The following DNM1 variants were observed in gnomAD, a reference collection of about 807,000 sequenced individuals.
The protein encoded by DNM1 is dynamin-1.
DNM1 carries 29 observed loss-of-function variants against 104.6 expected under a neutral mutation model. The observed-to-expected ratio is 0.28, with a 90% CI of 0.21 to 0.38. The LOEUF (loss-of-function observed/expected upper bound fraction) is 0.38. Ranked by LOEUF, DNM1 falls within the 10% of genes least tolerant of loss-of-function variation. The pLI, the probability that DNM1 is intolerant of heterozygous loss-of-function variation, is 1.00. For missense variants in DNM1, 640 were observed against 1,189.4 expected (o/e 0.54, Z 6.79); for synonymous variants, 445 against 475.8 (o/e 0.94, Z 0.84).
In DNM1 at chr9:128,203,680, T is replaced by G. The variant is rs774571600; in HGVS notation, c.161+49T>G. 5 of 1,430,384 alleles carry G rather than the reference T, an allele frequency of 3.5e-6. No individual in the cohort carries two copies. The Admixed American group carries it at 1.1e-4, about 33-fold the overall frequency. 88.6% of individuals were successfully genotyped at this position (1,430,384 alleles called of 1,614,324 possible). A position where few individuals can be genotyped will look rare whatever the true frequency, so the allele number is the denominator to read the frequency against. ...GCCGACCCCCGACCCCCGGGATCCC[T>G]GGAGTCCCCGCCCGGGGCACTGACG... On this transcript the variant is annotated intron_variant, in intron 1 of 21. Transcript: ENST00000372923. The surrounding 1 kb of genome is among the most constrained non-coding windows in gnomAD (Gnocchi z 5.3).
intron 19 of DNM1, among the ~76,000 whole-genome samples, chr9:128,249,808 G>C (rs1829402640): frequency 6.6e-6 from 1 of 151,740 alleles, no homozygotes; most frequent in Non-Finnish European, 1.5e-5. Flanking sequence ...CCTGGTGAAA[G>C]AGCGAGACCC....
chr9:128,223,537 G>A (rs1835145869), intron 9 of DNM1: 1 of 152,264 alleles, frequency 6.6e-6, no homozygotes, highest in Admixed American at 6.6e-5. Flanking sequence ...ATTTGGCATG[G>A]AATTTACTTC....
rs1836270435 is a variant in DNM1, at chr9:128,240,060, G to A, written c.1557+64G>A. 6.3e-7 allele frequency: 1 copy of A among 1,594,082 alleles called. No homozygotes were observed. The highest frequency in any genetic ancestry group is 1.3e-5 in the African/African-American group (1 of 74,454). On this transcript the variant is annotated intron_variant, in intron 14 of 21. Coordinates refer to ENST00000372923, the MANE Select transcript of DNM1 (RefSeq NM_004408.4). This position sits in a 1 kb window ranked among gnomAD's most constrained non-coding sequence, Gnocchi z 5.1. ...GGGGGCGGAGGGTCCATCGGCAGTG[G>A]GGATCTGCAACGGGTAGGAGGGCAC...
intron 4 of DNM1, among the ~76,000 whole-genome samples, chr9:128,219,623 C>T (rs972522410): frequency 2.6e-5 from 4 of 151,920 alleles, no homozygotes; most frequent in Non-Finnish European, 4.4e-5. Context: ...GAGCCCTACT[C>T]GCACCACTGC....
Position 128,253,017 on chromosome 9 carries a change from CGT to C in DNM1, c.2535-1633_2535-1632del. 1 of 1,358,960 alleles carries C rather than the reference CGT, an allele frequency of 7.4e-7. No homozygotes were observed. Among genetic ancestry groups the C allele is most frequent in the Non-Finnish European group, 1.0e-6 (1 of 954,124 alleles). The allele number at this position is 1,358,960 out of a possible 1,614,324, so 84.2% of individuals were successfully genotyped here. ...CACAGCATGTGTGTGCACGCCCGGG[CGT>C]GTGCGTGTGTGTGTCCCCCACCCCC... On this transcript the variant is annotated intron_variant, in intron 21 of 21. Transcript: ENST00000372923. The surrounding 1 kb of genome is among the most constrained non-coding windows in gnomAD (Gnocchi z 5.9).
chr9:128,230,653 T>C (rs138306023), intron 10 of DNM1, among the ~76,000 whole-genome samples: 16,575 of 151,936 alleles, frequency 0.11, 1,161 homozygotes, highest in African/African-American at 0.19. Context: ...GGTTTTACCA[T>C]GTTGGCCACG....
chr9:128,248,974 C>T lies in DNM1; in HGVS notation c.2076+221C>T, dbSNP rs1015489826. ...TTGGGAGGCCAAGGCAGGTGGATCA[C>T]GTGAGGTCAGGAGTTTAAGACCAGC... On this transcript the variant is annotated intron_variant, in intron 19 of 21. Transcript: ENST00000372923. This position sits in a 1 kb window ranked among gnomAD's most constrained non-coding sequence, Gnocchi z 5.6. Among the ~76,000 whole-genome samples the T allele has an allele frequency of 6.6e-6, 1 of 151,756 alleles. No homozygotes were observed. Among genetic ancestry groups the T allele is most frequent in the African/African-American group, 2.4e-5 (1 of 41,284 alleles).
rs868487036 is a variant in DNM1 at position 128,240,434 on chromosome 9, C to T, written c.1557+438C>T. 2.8e-5 allele frequency: 5 copies of T among 179,802 alleles called. No homozygotes were observed. Among genetic ancestry groups the T allele is most frequent in the Non-Finnish European group, 4.6e-5 (4 of 86,178 alleles). The allele number at this position is 179,802 out of a possible 1,614,324, so 11.1% of individuals were successfully genotyped here. The stretch of plus-strand genomic sequence containing the variant: ...CCTGCTCTCTGTCCTTAGATGTCTG[C>T]GGAAACATCCCTCGTCAGAAGCGCT... On this transcript the variant is annotated intron_variant, in intron 14 of 21. Coordinates refer to ENST00000372923, the MANE Select transcript of DNM1 (RefSeq NM_004408.4). The surrounding 1 kb of genome is among the most constrained non-coding windows in gnomAD (Gnocchi z 5.1).
At chr9:128,228,665 T>G (rs946336268) in intron 10 of DNM1, among the ~76,000 whole-genome samples, 2 of 152,176 alleles carry the variant, frequency 1.3e-5, no homozygotes, top group Non-Finnish European at 2.9e-5. Flanking sequence ...ATATTCATTG[T>G]CAGGTTATTT....
chr9:128,203,758 AC>A lies in DNM1; in HGVS notation c.161+132del. 1.3e-6 allele frequency: 1 copy of A among 747,564 alleles called. No individual in the cohort carries two copies. The highest frequency in any genetic ancestry group is 1.6e-6 in the Non-Finnish European group (1 of 609,946). 46.3% of individuals were successfully genotyped at this position (747,564 alleles called of 1,614,324 possible). On this transcript the variant is annotated intron_variant, in intron 1 of 21. Coordinates refer to ENST00000372923, the MANE Select transcript of DNM1 (RefSeq NM_004408.4). The surrounding 1 kb of genome is among the most constrained non-coding windows in gnomAD (Gnocchi z 5.3). ...TGCACCCGCGGCCGGCGCGCCCCCCACCCCCAGCCGGAGCGAGGAGGCCCTC... is the reference window on the plus strand; with the variant it reads ...TGCACCCGCGGCCGGCGCGCCCCCCACCCCAGCCGGAGCGAGGAGGCCCTC...
chr9:128,239,075 G>A (rs1389592327), intron 11 of DNM1, among the ~76,000 whole-genome samples: 2 of 151,904 alleles, frequency 1.3e-5, no homozygotes, highest in Non-Finnish European at 1.5e-5. Flanking sequence ...TTGGCTCACT[G>A]CAGCCTCAAC....
At chr9:128,219,541 C>T (rs1416681580) in intron 4 of DNM1, among the ~76,000 whole-genome samples, 10 of 152,064 alleles carry the variant, frequency 6.6e-5, no homozygotes, top group Non-Finnish European at 1.3e-4. Context: ...CCGTGGTGCA[C>T]GCTTGTGGTC....
chr9:128,252,545 G>A (rs1829592358), intron 21 of DNM1: 1 of 388,860 alleles, frequency 2.6e-6, no homozygotes. Context: ...ACTGGACAAA[G>A]CAGAGAACAG....
chr9:128,213,983 C>T (rs1301529358), intron 1 of DNM1, among the ~76,000 whole-genome samples: 2 of 152,112 alleles, frequency 1.3e-5, no homozygotes, highest in African/African-American at 4.8e-5. Context: ...GCCTCACCTC[C>T]TCCCAACTGT....
chr9:128,205,101 C>T (rs1319485423), intron 1 of DNM1, among the ~76,000 whole-genome samples: 1 of 152,170 alleles, frequency 6.6e-6, no homozygotes, highest in Non-Finnish European at 1.5e-5. Flanking sequence ...GCATCTGTCT[C>T]TCCAATGGCT....
At position 128,242,215 on chromosome 9, in the gene DNM1, G is replaced by T. The variant is rs749222845; in HGVS notation, c.1558-17G>T. On this transcript the variant is annotated splice_polypyrimidine_tract_variant and intron_variant, in intron 14 of 21. Coordinates refer to ENST00000372923, the MANE Select transcript of DNM1 (RefSeq NM_004408.4). ...CTCAGGCCCTGTCCACTGACCTCCTGCCCCATCACCCTCCAGGTCATCCGC... is the reference window on the plus strand; with the variant it reads ...CTCAGGCCCTGTCCACTGACCTCCTTCCCCATCACCCTCCAGGTCATCCGC... 34 of 1,466,778 alleles carry T rather than the reference G, an allele frequency of 2.3e-5. No individual in the cohort carries two copies. The highest frequency in any genetic ancestry group is 3.1e-5 in the Non-Finnish European group (32 of 1,046,494). The allele number at this position is 1,466,778 out of a possible 1,614,324, so 90.9% of individuals were successfully genotyped here.
At position 128,203,920 on chromosome 9, in the gene DNM1, G is replaced by C. The variant is rs1833679894; in HGVS notation, c.161+289G>C. On this transcript the variant is annotated intron_variant, in intron 1 of 21. Transcript: ENST00000372923. This position sits in a 1 kb window ranked among gnomAD's most constrained non-coding sequence, Gnocchi z 5.3. ...AGACAACGCTCTGCCAGAAGCCCCG[G>C]GCAAAGAGCTGCCCCCCGCCCCCAA... 1 of 204,076 alleles carries C rather than the reference G, an allele frequency of 4.9e-6. No homozygotes were observed. The highest frequency in any genetic ancestry group is 2.3e-5 in the African/African-American group (1 of 42,946). The allele number at this position is 204,076 out of a possible 1,614,324, so 12.6% of individuals were successfully genotyped here. A position where few individuals can be genotyped will look rare whatever the true frequency, so the allele number is the denominator to read the frequency against.
Position 128,224,538 on chromosome 9 carries a change from C to G in DNM1, c.1335+149C>G, listed in dbSNP as rs949382044. The G allele has an allele frequency of 1.5e-6, 1 of 688,984 alleles. No individual in the cohort carries two copies. The highest frequency in any genetic ancestry group is 2.2e-6 in the Non-Finnish European group (1 of 445,896). 42.7% of individuals were successfully genotyped at this position (688,984 alleles called of 1,614,324 possible). ...AGGCAGGCCACCACTGAATAGGAGA[C>G]AATGTGCCTCTGAGAGGGCCTCACC... On this transcript the variant is annotated intron_variant, in intron 10 of 21. Transcript: ENST00000372923. The surrounding 1 kb of genome is among the most constrained non-coding windows in gnomAD (Gnocchi z 4.3).
chr9:128,238,887 C>T (rs1836183418), intron 11 of DNM1, among the ~76,000 whole-genome samples: 1 of 150,834 alleles, frequency 6.6e-6, no homozygotes, highest in South Asian at 2.1e-4. Flanking sequence ...GATCTCCTGA[C>T]CTTGTGATCC....
Sources: allele counts gnomAD v4.1 joint callset (sites outside exome capture counted in the v4.1 genomes callset), GRCh38; gene constraint gnomAD v4.1.1; non-coding constraint Gnocchi (gnomAD v3.1); transcripts MANE v1.5; gene names NCBI Gene and HGNC (gene_info 2026-07-23, HGNC 2026-07-21).